ALKBH5: variants seen among roughly 807,000 people sequenced by gnomAD.
ALKBH5 encodes alkB homolog 5, RNA demethylase.
ALKBH5 carries 2 observed loss-of-function variants against 32.1 expected under a neutral mutation model. The observed-to-expected ratio is 0.06, with a 90% CI of 0.03 to 0.20. The LOEUF (loss-of-function observed/expected upper bound fraction) is 0.20. Among genes scored for constraint, ALKBH5 ranks in the 10% least tolerant of loss-of-function variants. ALKBH5 has a pLI of 1.00. For synonymous variants in ALKBH5, 300 were observed against 231.7 expected (o/e 1.29, Z -2.68); for missense variants, 352 against 559.5 (o/e 0.63, Z 3.74).
chr17:18,196,491 G>A (rs1206617102), intron 2 of ALKBH5, among the ~76,000 whole-genome samples: 2 of 152,168 alleles, frequency 1.3e-5, no homozygotes, highest in East Asian at 3.8e-4. Context: ...AAAGTGCTGG[G>A]ATTACAGGTG....
Position 18,202,777 on chromosome 17 carries a change from T to TA in ALKBH5, c.852-4026dup, listed in dbSNP as rs1415261680. ...GCCCACCTGCACTTTATTTTTTAATTAAAAAAAAAAAATTAGGGCCGGGCA... is the reference window on the plus strand; with the variant it reads ...GCCCACCTGCACTTTATTTTTTAATTAAAAAAAAAAAAATTAGGGCCGGGCA... On this transcript the variant is annotated intron_variant, in intron 2 of 3. Coordinates refer to ENST00000399138, the MANE Select transcript of ALKBH5 (RefSeq NM_017758.4). Among the ~76,000 whole-genome samples, 67 of 145,224 alleles carry TA rather than the reference T, an allele frequency of 4.6e-4. No homozygotes were observed. In the East Asian group the frequency reaches 7.0e-3, roughly 15 times the overall value.
intron 2 of ALKBH5, among the ~76,000 whole-genome samples, chr17:18,199,728 AC>A (rs879554693): frequency 3.9e-5 from 6 of 152,130 alleles, no homozygotes; most frequent in Non-Finnish European, 8.8e-5. Context: ...ATAAGTTTGC[AC>A]TTTGCCTGCC....
intron 3 of ALKBH5, among the ~76,000 whole-genome samples, chr17:18,207,491 T>C (rs753064306): frequency 6.6e-6 from 1 of 151,884 alleles, no homozygotes; most frequent in African/African-American, 2.4e-5. Flanking sequence ...TGAAACCCCG[T>C]CTCTACTAAA....
At chr17:18,201,794 A>AGGTAGATAGGATAGATAAGAT (rs1491101824) in intron 2 of ALKBH5, among the ~76,000 whole-genome samples, 1 of 134,414 alleles carries the variant, frequency 7.4e-6, no homozygotes, top group African/African-American at 2.7e-5. Flanking sequence ...TAGGATAGAT[A>AGGTAGATAGGATAGATAAGAT]AGATAGATAG....
intron 2 of ALKBH5, among the ~76,000 whole-genome samples, chr17:18,198,125 G>T (rs1167971080): frequency 6.6e-6 from 1 of 152,176 alleles, no homozygotes; most frequent in East Asian, 1.9e-4. Flanking sequence ...TCATCGTTCA[G>T]ATTGACCATT....
chr17:18,185,734 CT>C (rs1044273979), intron 1 of ALKBH5, among the ~76,000 whole-genome samples: 1 of 152,220 alleles, frequency 6.6e-6, no homozygotes, highest in African/African-American at 2.4e-5. Context: ...AGAACTTAGG[CT>C]TTTGGCCTAT....
At chr17:18,198,011 A>AT (rs1413009430) in intron 2 of ALKBH5, among the ~76,000 whole-genome samples, 1 of 152,138 alleles carries the variant, frequency 6.6e-6, no homozygotes, top group African/African-American at 2.4e-5. Context: ...TGTGGCCTCC[A>AT]TTGGGCATAC....
intron 1 of ALKBH5, among the ~76,000 whole-genome samples, chr17:18,185,395 ATTTT>A (rs11334462): frequency 6.7e-6 from 1 of 149,000 alleles, no homozygotes; most frequent in South Asian, 2.1e-4. Flanking sequence ...ATGCTTTAAA[ATTTT>A]TTTTTTTTTT....
intron 2 of ALKBH5, among the ~76,000 whole-genome samples, chr17:18,201,782 GATAGGATAGATAA>G (rs1366004635): frequency 1.4e-4 from 14 of 96,692 alleles, no homozygotes; most frequent in African/African-American, 5.9e-4. Flanking sequence ...TAGATAGATA[GATAGGATAGATAA>G]GATAGATAGA....
At chr17:18,204,887 C>G (rs1183435858) in intron 2 of ALKBH5, among the ~76,000 whole-genome samples, 3 of 151,776 alleles carry the variant, frequency 2.0e-5, no homozygotes, top group Admixed American at 6.6e-5. Flanking sequence ...TGGTGGTACC[C>G]TGTCTCGCCA....
Position 18,208,612 on chromosome 17 carries a change from G to C in ALKBH5, c.*216G>C. On this transcript the variant is annotated 3_prime_UTR_variant, in exon 4 of 4. Transcript: ENST00000399138. ...TCTCATATTCTTGGTATTCCTCCTG[G>C]ATGGAAAGGCTGTTGGCATCAATAG... The C allele has an allele frequency of 1.5e-6, 1 of 670,510 alleles. No homozygotes were observed. The highest frequency in any genetic ancestry group is 2.7e-6 in the Non-Finnish European group (1 of 376,768). The allele number at this position is 670,510 out of a possible 1,614,324, so 41.5% of individuals were successfully genotyped here.
chr17:18,208,704 G>C lies in ALKBH5; in HGVS notation c.*308G>C, dbSNP rs1597844434. The C allele has an allele frequency of 2.1e-6, 1 of 478,806 alleles. No homozygotes were observed. The highest frequency in any genetic ancestry group is 4.4e-5 in the East Asian group (1 of 22,566). 29.7% of individuals were successfully genotyped at this position (478,806 alleles called of 1,614,324 possible). On this transcript the variant is annotated 3_prime_UTR_variant, in exon 4 of 4. Coordinates refer to ENST00000399138, the MANE Select transcript of ALKBH5 (RefSeq NM_017758.4). Reference sequence around the variant, plus strand: ...AGCAGAGCAGCCATCTTTTAAGTGGGGCTGTATCAGGCTGGGTTTATTTAA... The same window carrying C: ...AGCAGAGCAGCCATCTTTTAAGTGGCGCTGTATCAGGCTGGGTTTATTTAA...
chr17:18,184,082 A>T lies in ALKBH5; in HGVS notation c.-162A>T. The stretch of plus-strand genomic sequence containing the variant: ...CCCGCCGCTCCTGAGGCCCTACCCC[A>T]CGCCCGGACCCTCGACGCCCCCCGC... On this transcript the variant is annotated 5_prime_UTR_variant, in exon 1 of 4. Coordinates refer to ENST00000399138, the MANE Select transcript of ALKBH5 (RefSeq NM_017758.4). The T allele has an allele frequency of 5.7e-6, 4 of 696,728 alleles. No homozygotes were observed. In the South Asian group the frequency reaches 6.2e-5, roughly 11 times the overall value. 43.2% of individuals were successfully genotyped at this position (696,728 alleles called of 1,614,324 possible).
chr17:18,207,114 G>A (rs2047273660), intron 3 of ALKBH5, 144 bp downstream of exon 3: 2 of 1,158,632 alleles, frequency 1.7e-6, no homozygotes, highest in Non-Finnish European at 2.4e-6. Flanking sequence ...TGGGTTGGTG[G>A]CATTGGTGAC....
chr17:18,209,781 G>C lies in ALKBH5; in HGVS notation c.*1385G>C, dbSNP rs2047294006. ...CACCATCAAGAAGCCCCTCTCAGGG[G>C]CCAGAACTCCTTTGCCAGCGTGGAT... On this transcript the variant is annotated 3_prime_UTR_variant, in exon 4 of 4. Transcript: ENST00000399138. 6.6e-6 allele frequency: 1 copy of C among 152,622 alleles called. No homozygotes were observed. Among genetic ancestry groups the C allele is most frequent in the African/African-American group, 2.4e-5 (1 of 41,436 alleles). 9.5% of individuals were successfully genotyped at this position (152,622 alleles called of 1,614,324 possible).
chr17:18,185,423 GTCTT>G (rs2047132860), intron 1 of ALKBH5, among the ~76,000 whole-genome samples: 1 of 148,428 alleles, frequency 6.7e-6, no homozygotes, highest in Non-Finnish European at 1.5e-5. Flanking sequence ...TTATCTAAAA[GTCTT>G]TCTTGTTCTG....
rs377225153 is a variant in ALKBH5, at chr17:18,206,880, A to G, written c.917A>G (p.Tyr306Cys). 3.2e-5 allele frequency: 52 copies of G among 1,614,226 alleles called. No individual in the cohort carries two copies. Among genetic ancestry groups the G allele is most frequent in the Non-Finnish European group, 3.9e-5 (46 of 1,180,034 alleles). ...SLSSSVLPPS[Y>C]ASDRLSGNNR... ...AGCAGCTCCGTGTTACCACCCAGCT[A>G]TGCTTCAGATCGCCTGTCAGGAAAC... The change falls in exon 3 of 4, where the codon TAT (tyrosine) becomes TGT (cysteine). Residue 306 changes from tyrosine (Y) to cysteine (C), a missense_variant. Physicochemically the swap from Tyr to Cys is radical, Grantham distance 194 (BLOSUM62 -2). Coordinates refer to ENST00000399138, the MANE Select transcript of ALKBH5 (RefSeq NM_017758.4).
intron 1 of ALKBH5, among the ~76,000 whole-genome samples, chr17:18,189,972 G>A (rs1341276560): frequency 6.6e-6 from 1 of 152,204 alleles, no homozygotes; most frequent in Non-Finnish European, 1.5e-5. Context: ...AATTGAGCCT[G>A]AGCTCACAAT....
intron 2 of ALKBH5, among the ~76,000 whole-genome samples, chr17:18,203,058 C>T (rs1412365152): frequency 1.5e-5 from 2 of 131,862 alleles, no homozygotes; most frequent in Non-Finnish European, 3.1e-5. Context: ...GGAGACAGAG[C>T]AAGATTGTCT....
Sources: gnomAD v4.1 joint callset for allele counts (sites outside exome capture counted in the v4.1 genomes callset) on GRCh38, gnomAD v4.1.1 for gene constraint, MANE v1.5 for transcripts, NCBI Gene and HGNC (gene_info 2026-07-23, HGNC 2026-07-21) for gene names.